Variants in ALG12 observed in about 807,000 individuals in gnomAD.
ALG12 encodes the protein ALG12 alpha-1,6-mannosyltransferase.
In ALG12, 36 loss-of-function variants were observed where a neutral mutation model predicts 46.0. That is an observed-to-expected ratio of 0.78 (90% confidence interval 0.60 to 1.03). ALG12 has a LOEUF of 1.03. Among genes scored for constraint, ALG12 ranks in the 50% least tolerant of loss-of-function variants. ALG12 has a pLI of 0.00. For synonymous variants in ALG12, 326 were observed against 291.6 expected (o/e 1.12, Z -1.20); for missense variants, 599 against 633.5 (o/e 0.95, Z 0.58).
chr22:49,891,804 C>A, the ALG12 span, among the ~76,000 whole-genome samples: 1 of 152,098 alleles, frequency 6.6e-6, no homozygotes, highest in Non-Finnish European at 1.5e-5. Context: ...ATAGTTTTGT[C>A]ATAATATGCA....
intron 6 of ALG12, among the ~76,000 whole-genome samples, chr22:49,908,561 A>G (rs1385061700): frequency 6.9e-6 from 1 of 144,658 alleles, no homozygotes; most frequent in East Asian, 2.0e-4. Flanking sequence ...AAAACAAAAA[A>G]CAGACGGTCA....
the ALG12 span, among the ~76,000 whole-genome samples, chr22:49,876,015 GCTTTA>G: frequency 5.4e-5 from 8 of 148,566 alleles, no homozygotes; most frequent in South Asian, 2.1e-4. Context: ...GATTAAATTT[GCTTTA>G]CTTTTGTGTG....
chr22:49,893,373 AG>A, the ALG12 span, among the ~76,000 whole-genome samples: 15 of 152,328 alleles, frequency 9.8e-5, no homozygotes, highest in East Asian at 2.9e-3. Flanking sequence ...ATCATGGCAA[AG>A]TGCTGAAACC....
rs2060541004 is a variant in ALG12 at position 49,906,185 on chromosome 22, C to T, written c.992+1536G>A. 6.6e-6 allele frequency among the ~76,000 whole-genome samples: 1 copy of T among 152,178 alleles called. No individual in the cohort carries two copies. ...AGCCCCTCACGCCCAGCACACCAGG[C>T]CTCAAAGACACAGAGCTGGGTCCAG... On this transcript the variant is annotated intron_variant, in intron 7 of 9. Coordinates refer to ENST00000330817, the MANE Select transcript of ALG12 (RefSeq NM_024105.4). The surrounding 1 kb of genome is among the most constrained non-coding windows in gnomAD (Gnocchi z 4.4).
At chr22:49,886,122 G>A in the ALG12 span, 1 of 681,940 alleles carries the variant, frequency 1.5e-6, no homozygotes, top group Non-Finnish European at 2.7e-6. The surrounding 1 kb of genome is among the most constrained non-coding windows in gnomAD (Gnocchi z 7.7). Context: ...TGAACGAGGG[G>A]GAGCACTCGA....
chr22:49,907,686 A>G, intron 7 of ALG12, 35 bp downstream of exon 7: 7 of 1,598,504 alleles, frequency 4.4e-6, no homozygotes, highest in Non-Finnish European at 6.0e-6. Flanking sequence ...TTCCAATGAA[A>G]CTATAAAAAT....
At chr22:49,884,223 CCTG>C in the ALG12 span, 6 of 1,602,614 alleles carry the variant, frequency 3.7e-6, no homozygotes, top group African/African-American at 1.3e-5. Context: ...CTCCCTCACT[CCTG>C]CTTCCACCAC....
At chr22:49,885,724 T>A in the ALG12 span, 24 of 1,606,962 alleles carry the variant, frequency 1.5e-5, no homozygotes, top group South Asian at 4.4e-5. Flanking sequence ...GCTTGAATAC[T>A]TGAAACCTCA....
At position 49,907,864 on chromosome 22, in the gene ALG12, C is replaced by G; in HGVS notation, c.849G>C (p.Leu283Phe). The G allele has an allele frequency of 6.2e-7, 1 of 1,613,986 alleles. No homozygotes were observed. The highest frequency in any genetic ancestry group is 8.5e-7 in the Non-Finnish European group (1 of 1,180,022). Residue 283 changes from leucine to phenylalanine, a missense_variant, in exon 7 of 10, where the codon TTG (leucine) becomes TTC (phenylalanine). Leu to Phe is a conservative substitution (Grantham distance 22). Transcript: ENST00000330817. ...TCGGCGCGTGCGTCCTTCTGTCTAC[C>G]AAGCCCAGGGGGATGAAGAGCAGGC... ...GCSLLFIPLG[L>F]VDRRTHAPTV...
chr22:49,902,696 T>G lies in ALG12; in HGVS notation c.*1142A>C, dbSNP rs1012074829. ...TGTGCACGTGTGCACTGTGTATGCATAGTGTGTGCACGTGTGCACTGTGTG... is the reference window on the plus strand; with the variant it reads ...TGTGCACGTGTGCACTGTGTATGCAGAGTGTGTGCACGTGTGCACTGTGTG... On this transcript the variant is annotated 3_prime_UTR_variant, in exon 10 of 10. Transcript: ENST00000330817. The G allele has an allele frequency of 4.4e-5, 5 of 112,518 alleles. No individual in the cohort carries two copies. The highest frequency in any genetic ancestry group is 1.5e-4 in the African/African-American group (4 of 26,018). 7.0% of individuals were successfully genotyped at this position (112,518 alleles called of 1,614,324 possible). A position where few individuals can be genotyped will look rare whatever the true frequency, so the allele number is the denominator to read the frequency against.
chr22:49,877,607 A>C, the ALG12 span, among the ~76,000 whole-genome samples: 3 of 152,060 alleles, frequency 2.0e-5, no homozygotes, highest in African/African-American at 4.8e-5. Context: ...AAACAGCTTT[A>C]TTTGGGTATA....
chr22:49,859,679 G>A, the ALG12 span, among the ~76,000 whole-genome samples: 1 of 152,172 alleles, frequency 6.6e-6, no homozygotes, highest in Non-Finnish European at 1.5e-5. Context: ...TTAAAACATT[G>A]TGAGTTCAGT....
the ALG12 span, chr22:49,888,900 G>T: frequency 6.0e-6 from 1 of 167,148 alleles, no homozygotes; most frequent in East Asian, 1.9e-4. Context: ...GTGTAGAAAG[G>T]GTTGCGCACA....
the ALG12 span, among the ~76,000 whole-genome samples, chr22:49,864,137 T>C: frequency 6.6e-5 from 10 of 152,248 alleles, no homozygotes; most frequent in Non-Finnish European, 1.2e-4. Context: ...CCGCTGGTTC[T>C]AGGCCTCTGC....
intron 3 of ALG12, 131 bp downstream of exon 3, chr22:49,913,254 T>C: frequency 2.1e-6 from 3 of 1,433,716 alleles, no homozygotes; most frequent in Non-Finnish European, 2.9e-6. Flanking sequence ...TGAGCCGCCA[T>C]GCCACGGTGA....
the ALG12 span, among the ~76,000 whole-genome samples, chr22:49,891,270 T>G: frequency 1.3e-5 from 2 of 152,252 alleles, no homozygotes; most frequent in Admixed American, 6.5e-5. Flanking sequence ...TTGATGCCAC[T>G]TGTTTAAAAT....
chr22:49,868,838 G>A, the ALG12 span, among the ~76,000 whole-genome samples: 13 of 151,730 alleles, frequency 8.6e-5, no homozygotes, highest in African/African-American at 2.7e-4. Context: ...CAGGCCGGGC[G>A]CAATGGCTCA....
At chr22:49,895,863 T>TTTTG (rs1253540458), downstream of ALG12, among the ~76,000 whole-genome samples, 29 of 127,348 alleles carry the variant, frequency 2.3e-4, no homozygotes, top group African/African-American at 1.4e-3. Flanking sequence ...TCTAAAGGAG[T>TTTTG]CTTAATATTT....
the ALG12 span, chr22:49,884,826 CT>C: frequency 6.2e-7 from 1 of 1,610,924 alleles, no homozygotes; most frequent in Non-Finnish European, 8.5e-7. Context: ...CGGCCTCCTC[CT>C]CCCCTGACAG....
Sources: allele counts gnomAD v4.1 joint callset (sites outside exome capture counted in the v4.1 genomes callset), GRCh38; gene constraint gnomAD v4.1.1; non-coding constraint Gnocchi (gnomAD v3.1); transcripts MANE v1.5; gene names NCBI Gene and HGNC (gene_info 2026-07-23, HGNC 2026-07-21).